SERPINB11: variants seen among roughly 807,000 people sequenced by gnomAD.
SERPINB11 encodes serpin B11.
In SERPINB11, 32 loss-of-function variants were observed where a neutral mutation model predicts 36.7. That is an observed-to-expected ratio of 0.87 (90% CI 0.66 to 1.17). The LOEUF is 1.17. Among genes scored for constraint, SERPINB11 ranks in the 50% most tolerant of loss-of-function variants. The pLI is 0.00. For missense variants in SERPINB11, 528 were observed against 458.4 expected (o/e 1.15, Z -1.39); for synonymous variants, 174 against 168.1 (o/e 1.04, Z -0.27).
intron 1 of SERPINB11, among the ~76,000 whole-genome samples, chr18:63,708,201 T>A (rs1256420347): frequency 6.6e-6 from 1 of 152,126 alleles, no homozygotes; most frequent in East Asian, 1.9e-4. Flanking sequence ...TCACAGAGGG[T>A]CTTGCTGGTC....
intron 3 of SERPINB11, among the ~76,000 whole-genome samples, chr18:63,712,222 G>C (rs1200926090): frequency 6.6e-6 from 1 of 152,142 alleles, no homozygotes; most frequent in Non-Finnish European, 1.5e-5. Context: ...AAACGATTCT[G>C]TAAGTACAAA....
At chr18:63,711,946 C>T (rs947330766) in intron 3 of SERPINB11, among the ~76,000 whole-genome samples, 10 of 152,184 alleles carry the variant, frequency 6.6e-5, no homozygotes, top group South Asian at 4.2e-4. Flanking sequence ...ACCAGCTTCA[C>T]GGAACCCAAC....
In SERPINB11 at chr18:63,703,148, C is replaced by A. The variant is rs533334663; in HGVS notation, c.-16+142C>A. 2.0e-5 allele frequency: 3 copies of A among 152,312 alleles called. No individual in the cohort carries two copies. In the East Asian group the frequency reaches 5.8e-4, roughly 29 times the overall value. 9.4% of individuals were successfully genotyped at this position (152,312 alleles called of 1,614,324 possible). ...CAACTTATTATTTAATTGAGTATGACTTTTGCTGACCCCTTGATAAATACA... is the reference window on the plus strand; with the variant it reads ...CAACTTATTATTTAATTGAGTATGAATTTTGCTGACCCCTTGATAAATACA... On this transcript the variant is annotated intron_variant, in intron 1 of 7. Transcript: ENST00000544088.
intron 1 of SERPINB11, among the ~76,000 whole-genome samples, chr18:63,708,713 G>A (rs1914435209): frequency 6.6e-6 from 1 of 152,182 alleles, no homozygotes; most frequent in Admixed American, 6.5e-5. Context: ...GGATATGTGG[G>A]TTTGGAATTC....
At chr18:63,704,072 T>C (rs904730284) in intron 1 of SERPINB11, among the ~76,000 whole-genome samples, 9 of 152,238 alleles carry the variant, frequency 5.9e-5, no homozygotes, top group Non-Finnish European at 1.3e-4. Flanking sequence ...GACTTGGGAC[T>C]TCTGCCTTCC....
rs368900435 is a variant in SERPINB11, at chr18:63,710,185, G to A, written c.-9G>A. On this transcript the variant is annotated 5_prime_UTR_variant, in exon 2 of 8. Transcript: ENST00000544088. Reference sequence around the variant, plus strand: ...TTTTCCCTTCTGTTCTCAGGCAGTCGGCATAAAAATGGGTTCTCTCAGCAC... The same window carrying A: ...TTTTCCCTTCTGTTCTCAGGCAGTCAGCATAAAAATGGGTTCTCTCAGCAC... 13 of 1,598,272 alleles carry A rather than the reference G, an allele frequency of 8.1e-6. No individual in the cohort carries two copies. Among genetic ancestry groups the A allele is most frequent in the South Asian group, 8.0e-5 (7 of 87,936 alleles).
rs781584823 is a variant in SERPINB11 at position 63,712,720 on chromosome 18, C to T, written c.357+27C>T. On this transcript the variant is annotated intron_variant, in intron 4 of 7. Transcript: ENST00000544088. ...TAAGTCCATTTGGAAGAGTGATCAA[C>T]AACTTTCTTGGCGTCCTCTGAATTT... The T allele has an allele frequency of 2.7e-5, 44 of 1,602,392 alleles. 1 individual carries two copies. The highest frequency in any genetic ancestry group is 2.2e-4 in the South Asian group (20 of 89,322).
intron 5 of SERPINB11, 36 bp downstream of exon 5, chr18:63,716,188 G>A: frequency 1.4e-6 from 2 of 1,387,668 alleles, no homozygotes; most frequent in Non-Finnish European, 2.0e-6. Context: ...TAAACTCTGT[G>A]TTGTGTTGAT....
At chr18:63,705,503 G>C (rs983735144) in intron 1 of SERPINB11, 1 of 152,212 alleles carries the variant, frequency 6.6e-6, no homozygotes, top group Non-Finnish European at 1.5e-5. Context: ...AATGAACTGG[G>C]TCAAAGGCCA....
At chr18:63,708,950 A>G (rs1233869207) in intron 1 of SERPINB11, among the ~76,000 whole-genome samples, 1 of 152,250 alleles carries the variant, frequency 6.6e-6, no homozygotes, top group East Asian at 1.9e-4. Context: ...ATGACTCAGA[A>G]GTTAAAGGAA....
chr18:63,702,402 C>T (rs1412944705), upstream of SERPINB11: 1 of 152,094 alleles, frequency 6.6e-6, no homozygotes, highest in African/African-American at 2.4e-5. Flanking sequence ...ACCAGCCTGA[C>T]CAACATGATG....
At chr18:63,710,392 C>T (rs772770488) in intron 2 of SERPINB11, 31 bp downstream of exon 2, 1 of 1,567,724 alleles carries the variant, frequency 6.4e-7, no homozygotes, top group Admixed American at 1.9e-5. Context: ...TTGTTCAGAA[C>T]CCAGAAGTCT....
At chr18:63,704,211 A>G (rs1914312685) in intron 1 of SERPINB11, among the ~76,000 whole-genome samples, 1 of 152,248 alleles carries the variant, frequency 6.6e-6, no homozygotes, top group Non-Finnish European at 1.5e-5. Flanking sequence ...AATTTCACAG[A>G]AGAATTTTCT....
In SERPINB11 at chr18:63,712,701, C is replaced by A. The variant is rs529027003; in HGVS notation, c.357+8C>A. 5 of 1,610,156 alleles carry A rather than the reference C, an allele frequency of 3.1e-6. No homozygotes were observed. Among genetic ancestry groups the A allele is most frequent in the Non-Finnish European group, 4.2e-6 (5 of 1,177,850 alleles). Reference sequence around the variant, plus strand: ...ACGATGGCATTTCATCAGGTAAGTCCATTTGGAAGAGTGATCAACAACTTT... The same window carrying A: ...ACGATGGCATTTCATCAGGTAAGTCAATTTGGAAGAGTGATCAACAACTTT... On this transcript the variant is annotated splice_region_variant and intron_variant, in intron 4 of 7. Transcript: ENST00000544088.
At chr18:63,709,871 T>C (rs1914472199) in intron 1 of SERPINB11, among the ~76,000 whole-genome samples, 2 of 152,186 alleles carry the variant, frequency 1.3e-5, no homozygotes, top group Admixed American at 1.3e-4. Context: ...AATACAAAGA[T>C]TCAATTCCTT....
In SERPINB11 at chr18:63,722,995, A is replaced by T; in HGVS notation, c.775A>T (p.Ile259Leu). 6.4e-7 allele frequency: 1 copy of T among 1,563,390 alleles called. No homozygotes were observed. Among genetic ancestry groups the T allele is most frequent in the Non-Finnish European group, 8.6e-7 (1 of 1,159,072 alleles). Residue 259 changes from isoleucine to leucine, a missense_variant and splice_region_variant, in exon 8 of 8, where the codon ATA becomes TTA. Coordinates refer to ENST00000544088, the MANE Select transcript of SERPINB11 (RefSeq NM_001370475.1). ...GGCTTGTCTGTGTTTTGTCTCTTAGATAGAAAAGCAGCTGAATTCGGGGAC... is the reference window on the plus strand; with the variant it reads ...GGCTTGTCTGTGTTTTGTCTCTTAGTTAGAAAAGCAGCTGAATTCGGGGAC... ...LPVGIANLKQ[I>L]EKQLNSGTFH...
intron 3 of SERPINB11, 62 bp downstream of exon 3, chr18:63,711,456 T>A (rs1186202299): frequency 1.9e-5 from 25 of 1,292,322 alleles, no homozygotes; most frequent in South Asian, 3.7e-5. Flanking sequence ...GAAATAATAG[T>A]CTGGGTGTTG....
In SERPINB11 at chr18:63,711,317, C is replaced by CTT; in HGVS notation, c.169-11_169-10dup. On this transcript the variant is annotated splice_polypyrimidine_tract_variant and intron_variant, in intron 2 of 7. Coordinates refer to ENST00000544088, the MANE Select transcript of SERPINB11 (RefSeq NM_001370475.1). ...CATTGCTTCTGATGCCAAAAGATCC[C>CTT]TTTTTTTTCTTTTCTAGGTGCTTCA... 6.3e-7 allele frequency: 1 copy of CTT among 1,585,204 alleles called. No homozygotes were observed. The highest frequency in any genetic ancestry group is 8.6e-7 in the Non-Finnish European group (1 of 1,156,620).
intron 7 of SERPINB11, among the ~76,000 whole-genome samples, chr18:63,721,565 G>A (rs1023222667): frequency 6.6e-6 from 1 of 152,192 alleles, no homozygotes; most frequent in South Asian, 2.1e-4. Flanking sequence ...GCCTGCAGAA[G>A]CTGACACACA....
Sources: allele counts gnomAD v4.1 joint callset (sites outside exome capture counted in the v4.1 genomes callset), GRCh38; gene constraint gnomAD v4.1.1; transcripts MANE v1.5; gene names NCBI Gene and HGNC (gene_info 2026-07-23, HGNC 2026-07-21).